BCL6: variants seen among roughly 807,000 people sequenced by gnomAD.
BCL6 encodes the protein BCL6 transcription repressor.
BCL6 carries 7 observed loss-of-function variants against 59.5 expected under a neutral mutation model. The ratio of observed to expected loss-of-function variants is 0.12; its 90% CI spans 0.07 to 0.22. The LOEUF is 0.22. Among genes scored for constraint, BCL6 ranks in the 10% least tolerant of loss-of-function variants. BCL6 has a pLI of 1.00. For synonymous variants in BCL6, 339 were observed against 349.7 expected (o/e 0.97, Z 0.34); for missense variants, 685 against 939.4 (o/e 0.73, Z 3.54).
chr3:187,730,562 A>G lies in BCL6; in HGVS notation c.384-541T>C, dbSNP rs572955650. 2.0e-5 allele frequency among the ~76,000 whole-genome samples: 3 copies of G among 152,362 alleles called. No homozygotes were observed. The East Asian group carries it at 5.8e-4, about 29-fold the overall frequency. On this transcript the variant is annotated intron_variant, in intron 4 of 9. Coordinates refer to ENST00000406870, the MANE Select transcript of BCL6 (RefSeq NM_001706.5). Reference sequence around the variant, plus strand: ...ATGCTGATGAAAGTTTACATAAAGAACAGGCAGCAAATGCCAATGTATGAA... The same window carrying G: ...ATGCTGATGAAAGTTTACATAAAGAGCAGGCAGCAAATGCCAATGTATGAA...
chr3:187,732,134 G>C (rs1969414), intron 3 of BCL6, among the ~76,000 whole-genome samples: 149,114 of 152,288 alleles, frequency 0.98, 73,080 homozygotes, highest in Middle Eastern at 1. Context: ...TCCTTACAAC[G>C]CTGCAAGGTA....
chr3:187,743,560 T>C (rs1579830417), intron 1 of BCL6, among the ~76,000 whole-genome samples: 1 of 152,312 alleles, frequency 6.6e-6, no homozygotes, highest in East Asian at 1.9e-4. Context: ...GGTTGTGTTT[T>C]TGTTTTCCAT....
intron 1 of BCL6, among the ~76,000 whole-genome samples, chr3:187,744,842 A>C (rs1711829125): frequency 6.6e-6 from 1 of 152,208 alleles, no homozygotes; most frequent in African/African-American, 2.4e-5. Flanking sequence ...GCGAGAAAAG[A>C]GGGAAAAAAC....
At chr3:187,724,733 C>T in intron 9 of BCL6, 1 of 661,486 alleles carries the variant, frequency 1.5e-6, no homozygotes, top group Non-Finnish European at 2.5e-6. Flanking sequence ...TCCCCTAATG[C>T]TTGGGCCAAG....
intron 1 of BCL6, among the ~76,000 whole-genome samples, chr3:187,744,539 G>A (rs914788068): frequency 6.6e-6 from 1 of 152,246 alleles, no homozygotes; most frequent in African/African-American, 2.4e-5. Context: ...AAAGGAAATA[G>A]TAGACACGAT....
intron 1 of BCL6, chr3:187,737,302 CAAAAAA>C (rs534569218): frequency 1.1e-4 from 3 of 27,708 alleles, no homozygotes; most frequent in Admixed American, 4.1e-4. Context: ...AAACAGGAAC[CAAAAAA>C]AAAAAAAAGC....
intron 1 of BCL6, among the ~76,000 whole-genome samples, chr3:187,740,818 T>C (rs1711561164): frequency 6.6e-6 from 1 of 152,234 alleles, no homozygotes; most frequent in Non-Finnish European, 1.5e-5. Context: ...TTTGTGGTTT[T>C]TCTTAGTGCA....
At chr3:187,733,726 C>G in intron 2 of BCL6, 23 bp from the exon 3 acceptor site, 2 of 1,598,216 alleles carry the variant, frequency 1.3e-6, no homozygotes, top group Non-Finnish European at 8.5e-7. Flanking sequence ...GGCCAAAATC[C>G]TGTTAGTCCT....
chr3:187,724,906 G>C (rs766240312), intron 9 of BCL6, 35 bp downstream of exon 9: 1 of 1,577,432 alleles, frequency 6.3e-7, no homozygotes, highest in Non-Finnish European at 8.6e-7. Context: ...CCACATCCCC[G>C]CAGGTCAGAG....
rs763000497 is a variant in BCL6 at position 187,725,058 on chromosome 3, A to G, written c.1860T>C (p.His620=). ...GCTTCTCACCAGTGTGGATAAGCAC[A>G]TGGGCACGGAGGTGGGCCACCTGAA... ...RFVQVAHLRA[H]VLIHTGEKPY... The change falls in exon 9 of 10, where the codon CAT becomes CAC. Residue 620 remains histidine, a synonymous_variant. Coordinates refer to ENST00000406870, the MANE Select transcript of BCL6 (RefSeq NM_001706.5). This position sits in a 1 kb window ranked among gnomAD's most constrained non-coding sequence, Gnocchi z 4.7. 6 of 1,614,040 alleles carry G rather than the reference A, an allele frequency of 3.7e-6. No homozygotes were observed. The East Asian group carries it at 8.9e-5, about 24-fold the overall frequency.
intron 1 of BCL6, among the ~76,000 whole-genome samples, chr3:187,735,933 C>T (rs1442315876): frequency 6.6e-6 from 1 of 152,148 alleles, no homozygotes; most frequent in Non-Finnish European, 1.5e-5. Context: ...GTTGGTGACC[C>T]GGCCCTAGGT....
intron 4 of BCL6, 103 bp downstream of exon 4, chr3:187,731,606 A>G: frequency 1.1e-5 from 12 of 1,119,292 alleles, no homozygotes; most frequent in Non-Finnish European, 1.6e-5. Context: ...GGGTTGCAGC[A>G]TATCATAGAG....
intron 1 of BCL6, chr3:187,738,031 T>A (rs1238596610): frequency 6.6e-6 from 1 of 151,988 alleles, no homozygotes; most frequent in East Asian, 1.9e-4. Flanking sequence ...CAGCACACTT[T>A]CCCCTAAATC....
chr3:187,744,176 A>C (rs1220549757), intron 1 of BCL6, among the ~76,000 whole-genome samples: 1 of 152,312 alleles, frequency 6.6e-6, no homozygotes, highest in African/African-American at 2.4e-5. Context: ...TTGGGAGCCA[A>C]CACAGAGTCA....
chr3:187,744,936 C>G (rs964901193), intron 1 of BCL6, among the ~76,000 whole-genome samples: 1 of 152,170 alleles, frequency 6.6e-6, no homozygotes, highest in Non-Finnish European at 1.5e-5. Context: ...GTCCTCTCCG[C>G]GGTCTGGGGC....
At chr3:187,723,514 T>A (rs1424732610) in intron 9 of BCL6, among the ~76,000 whole-genome samples, 2 of 152,234 alleles carry the variant, frequency 1.3e-5, no homozygotes, top group Non-Finnish European at 2.9e-5. Context: ...AACAATAGGA[T>A]AAAATGGGTG....
intron 1 of BCL6, among the ~76,000 whole-genome samples, chr3:187,744,474 A>C: frequency 6.6e-6 from 1 of 152,244 alleles, no homozygotes; most frequent in South Asian, 2.1e-4. Flanking sequence ...TCCCCAAAAC[A>C]CAGGGGCAGG....
intron 1 of BCL6, among the ~76,000 whole-genome samples, chr3:187,740,063 G>C (rs756473245): frequency 2.6e-5 from 4 of 152,180 alleles, no homozygotes; most frequent in Admixed American, 6.5e-5. Flanking sequence ...CGACCCGGGC[G>C]GGGGCGACGG....
intron 3 of BCL6, 26 bp from the exon 4 acceptor site, chr3:187,731,956 A>G (rs1412083873): frequency 1.3e-6 from 2 of 1,575,958 alleles, no homozygotes; most frequent in Admixed American, 3.3e-5. Flanking sequence ...ATGTCCCACT[A>G]TAGTAGACAT....
Sources: gnomAD v4.1 joint callset for allele counts (sites outside exome capture counted in the v4.1 genomes callset) on GRCh38, gnomAD v4.1.1 for gene constraint, Gnocchi (gnomAD v3.1) non-coding constraint, MANE v1.5 for transcripts, NCBI Gene and HGNC (gene_info 2026-07-23, HGNC 2026-07-21) for gene names.